C1QTNF3: variants seen among roughly 807,000 people sequenced by gnomAD.
The protein encoded by C1QTNF3 is C1q and TNF related 3.
Under a neutral mutation model 32.6 loss-of-function variants are expected in C1QTNF3, and 26 were observed. The ratio of observed to expected loss-of-function variants is 0.80; its 90% CI spans 0.58 to 1.11. The LOEUF is 1.11. Among genes scored for constraint, C1QTNF3 ranks in the 50% least tolerant of loss-of-function variants. The probability of loss-of-function intolerance (pLI) is 0.00; values close to 1 mark genes in which losing one functional copy is unlikely to be tolerated. For synonymous variants in C1QTNF3, 155 were observed against 146.0 expected, an observed-to-expected ratio of 1.06 and a Z score of -0.44; for missense variants, 362 against 398.2, an observed-to-expected ratio of 0.91 and a Z score of 0.77.
At chr5:34,063,862 C>T in the C1QTNF3 span, among the ~76,000 whole-genome samples, 2 of 152,100 alleles carry the variant, frequency 1.3e-5, no homozygotes, top group Non-Finnish European at 2.9e-5. Flanking sequence ...ATTTTTGGGG[C>T]TACACTTTCA....
the C1QTNF3 span, among the ~76,000 whole-genome samples, chr5:34,186,488 C>CTTT: frequency 4.1e-4 from 57 of 138,848 alleles, no homozygotes; most frequent in South Asian, 2.8e-3. Flanking sequence ...TTCTTTCCTC[C>CTTT]TTTTTTTTTT....
At chr5:34,140,452 AGTT>A in the C1QTNF3 span, among the ~76,000 whole-genome samples, 1 of 152,256 alleles carries the variant, frequency 6.6e-6, no homozygotes. Flanking sequence ...TTAATTCCAA[AGTT>A]ATTAACACTG....
At chr5:34,160,886 A>G in the C1QTNF3 span, among the ~76,000 whole-genome samples, 1 of 151,714 alleles carries the variant, frequency 6.6e-6, no homozygotes, top group African/African-American at 2.4e-5. Context: ...TAGCAAAAGA[A>G]AAAAAAAACC....
intron 2 of C1QTNF3, among the ~76,000 whole-genome samples, 188 bp from the exon 3 acceptor site, chr5:34,033,646 C>A (rs533311359): frequency 5.3e-5 from 8 of 152,292 alleles, no homozygotes; most frequent in Non-Finnish European, 1.0e-4. Flanking sequence ...CCTAAAGCTC[C>A]AAAGCCTGTT....
intron 1 of C1QTNF3, among the ~76,000 whole-genome samples, chr5:34,041,500 G>C (rs1168535275): frequency 6.6e-6 from 1 of 152,138 alleles, no homozygotes; most frequent in Admixed American, 6.5e-5. Flanking sequence ...GAAATGGAAA[G>C]TCCAGATCAA....
the C1QTNF3 span, among the ~76,000 whole-genome samples, chr5:34,228,362 C>G: frequency 1.3e-5 from 2 of 151,310 alleles, no homozygotes; most frequent in African/African-American, 2.4e-5. Flanking sequence ...CATTAGTATC[C>G]TAAACAATGT....
the C1QTNF3 span, among the ~76,000 whole-genome samples, chr5:34,090,894 C>T: frequency 6.6e-6 from 1 of 152,118 alleles, no homozygotes; most frequent in Non-Finnish European, 1.5e-5. Context: ...GTTTATAAAG[C>T]ACCCAATTTA....
chr5:34,161,333 G>A, the C1QTNF3 span, among the ~76,000 whole-genome samples: 1 of 151,790 alleles, frequency 6.6e-6, no homozygotes, highest in Admixed American at 6.6e-5. Context: ...AAAATAAAAA[G>A]GTTTAAGAGG....
the C1QTNF3 span, among the ~76,000 whole-genome samples, chr5:34,127,375 G>A: frequency 2.6e-4 from 40 of 152,168 alleles, no homozygotes; most frequent in East Asian, 7.7e-3. Context: ...AGTCCCGGCT[G>A]AGGTAGTCTC....
chr5:34,223,522 TG>T, the C1QTNF3 span, among the ~76,000 whole-genome samples: 1 of 151,612 alleles, frequency 6.6e-6, no homozygotes, highest in Non-Finnish European at 1.5e-5. Flanking sequence ...TATAGTCCTT[TG>T]GGTATATACC....
At chr5:34,233,770 G>A in the C1QTNF3 span, among the ~76,000 whole-genome samples, 1 of 151,538 alleles carries the variant, frequency 6.6e-6, no homozygotes, top group African/African-American at 2.4e-5. Flanking sequence ...TGTCTTAATT[G>A]GAGGAAGCAA....
the C1QTNF3 span, among the ~76,000 whole-genome samples, chr5:34,090,679 T>G: frequency 6.6e-6 from 1 of 152,182 alleles, no homozygotes; most frequent in African/African-American, 2.4e-5. Flanking sequence ...TGGTAGGTAG[T>G]TAGGTTATAA....
chr5:34,083,119 C>G, the C1QTNF3 span, among the ~76,000 whole-genome samples: 1 of 150,570 alleles, frequency 6.6e-6, no homozygotes, highest in Admixed American at 6.6e-5. Flanking sequence ...TTTTAAATGA[C>G]TATAGAAATG....
the C1QTNF3 span, chr5:34,175,989 C>T: frequency 5.2e-6 from 4 of 766,770 alleles, no homozygotes; most frequent in Non-Finnish European, 9.5e-6. Context: ...AGAGTAAGAA[C>T]TGGCAGAATT....
the C1QTNF3 span, among the ~76,000 whole-genome samples, chr5:34,178,047 G>C: frequency 1.4e-5 from 2 of 146,402 alleles, no homozygotes; most frequent in Non-Finnish European, 3.0e-5. Context: ...CAGGTGGATC[G>C]CTTGAGGTCA....
At chr5:34,036,717 C>T (rs980524832) in intron 1 of C1QTNF3, among the ~76,000 whole-genome samples, 2 of 151,924 alleles carry the variant, frequency 1.3e-5, no homozygotes, top group Admixed American at 6.6e-5. Context: ...TTTTGGAGGC[C>T]GAGGCAGGTG....
the C1QTNF3 span, among the ~76,000 whole-genome samples, chr5:34,133,087 C>T: frequency 1.4e-4 from 21 of 152,172 alleles, no homozygotes; most frequent in Non-Finnish European, 3.1e-4. Context: ...GACATTTTAT[C>T]ACCTGGCATA....
chr5:34,138,497 G>GT, the C1QTNF3 span, among the ~76,000 whole-genome samples: 240 of 150,698 alleles, frequency 1.6e-3, no homozygotes, highest in Admixed American at 8.3e-3. Context: ...TTGAGTATTT[G>GT]TTTTTTTTTA....
chr5:34,028,981 G>T, intron 3 of C1QTNF3, 98 bp from the exon 4 acceptor site: 1 of 989,642 alleles, frequency 1.0e-6, no homozygotes, highest in Non-Finnish European at 1.5e-6. Context: ...ATAACAGCAA[G>T]ATTGGGAATA....
Sources: gnomAD v4.1 joint callset for allele counts (sites outside exome capture counted in the v4.1 genomes callset) on GRCh38, gnomAD v4.1.1 for gene constraint, MANE v1.5 for transcripts, NCBI Gene and HGNC (gene_info 2026-07-23, HGNC 2026-07-21) for gene names.